CLUAP1: variants seen among roughly 807,000 people sequenced by gnomAD.
CLUAP1 encodes the protein clusterin-associated protein 1.
CLUAP1 carries 50 observed loss-of-function variants against 55.0 expected under a neutral mutation model. That is an observed-to-expected ratio of 0.91 (90% CI 0.72 to 1.15). The LOEUF is 1.15. CLUAP1 is among the 50% of genes most tolerant of loss of function. The pLI is 0.00. For missense variants in CLUAP1, 530 were observed against 507.6 expected, an observed-to-expected ratio of 1.04 and a Z score of -0.42; for synonymous variants, 195 against 175.4, an observed-to-expected ratio of 1.11 and a Z score of -0.88.
intron 5 of CLUAP1, 68 bp downstream of exon 5, chr16:3,512,546 T>A: frequency 8.1e-7 from 1 of 1,239,858 alleles, no homozygotes. Context: ...CAATTCTGTT[T>A]CTCCCTTTTC....
chr16:3,524,929 A>G (rs1224362451), intron 8 of CLUAP1, among the ~76,000 whole-genome samples: 1 of 152,204 alleles, frequency 6.6e-6, no homozygotes, highest in Non-Finnish European at 1.5e-5. Flanking sequence ...CATTTTCATG[A>G]TGAAATTGGT....
chr16:3,501,769 TCAAAAAA>T (rs1333225548), intron 1 of CLUAP1, among the ~76,000 whole-genome samples: 1 of 148,318 alleles, frequency 6.7e-6, no homozygotes, highest in African/African-American at 2.5e-5. Context: ...AAACAACATC[TCAAAAAA>T]CAAAAAACAA....
intron 6 of CLUAP1, among the ~76,000 whole-genome samples, chr16:3,519,269 C>T (rs1400792277): frequency 6.6e-6 from 1 of 152,244 alleles, no homozygotes; most frequent in Non-Finnish European, 1.5e-5. Flanking sequence ...TGCCCTGGAC[C>T]CCTTCCAGAG....
intron 3 of CLUAP1, among the ~76,000 whole-genome samples, chr16:3,506,911 T>C (rs1596384141): frequency 6.6e-6 from 1 of 152,138 alleles, no homozygotes; most frequent in African/African-American, 2.4e-5. Context: ...AAGAATTTTG[T>C]TTATGCCAGG....
chr16:3,499,611 C>T (rs966158295), upstream of CLUAP1, among the ~76,000 whole-genome samples: 2 of 152,192 alleles, frequency 1.3e-5, no homozygotes, highest in African/African-American at 2.4e-5. Flanking sequence ...ATGTTTTCTC[C>T]ATTCTCTAAT....
chr16:3,531,016 C>G (rs1021120425), intron 10 of CLUAP1, among the ~76,000 whole-genome samples: 20 of 152,160 alleles, frequency 1.3e-4, no homozygotes, highest in African/African-American at 3.9e-4. Context: ...ATGAGCATCT[C>G]TGCCTTAAAA....
chr16:3,523,599 G>C (rs1290290529), intron 8 of CLUAP1, among the ~76,000 whole-genome samples: 1 of 152,178 alleles, frequency 6.6e-6, no homozygotes, highest in Non-Finnish European at 1.5e-5. Context: ...GCCTGTGCTT[G>C]CTTTCAGGCC....
Position 3,532,851 on chromosome 16 carries a change from C to T in CLUAP1, c.1092+10C>T. On this transcript the variant is annotated intron_variant, in intron 11 of 11. Coordinates refer to ENST00000576634, the MANE Select transcript of CLUAP1 (RefSeq NM_015041.3). Reference sequence around the variant, plus strand: ...AGACTCCGATGACAATGTAAGTCCCCCGCTCCCCTCAGTGGTTCTGTGCAC... The same window carrying T: ...AGACTCCGATGACAATGTAAGTCCCTCGCTCCCCTCAGTGGTTCTGTGCAC... 1.2e-6 allele frequency: 2 copies of T among 1,613,984 alleles called. No individual in the cohort carries two copies. The highest frequency in any genetic ancestry group is 8.5e-7 in the Non-Finnish European group (1 of 1,179,908).
In CLUAP1 at chr16:3,504,815, C is replaced by A; in HGVS notation, c.118C>A (p.Leu40Ile). ...PNFGLVSEVL[L>I]WLVKRYEPQT... ...TTTTGGACTTGTATCTGAAGTGCTT[C>A]TCTGGCTTGTGAAAAGGTTCGAACG... The change falls in exon 2 of 12, where the codon CTC becomes ATC. Residue 40 changes from leucine to isoleucine, a missense_variant. Leu to Ile is a conservative substitution (Grantham distance 5, BLOSUM62 2). Transcript: ENST00000576634. 1 of 1,606,438 alleles carries A rather than the reference C, an allele frequency of 6.2e-7. No individual in the cohort carries two copies. The highest frequency in any genetic ancestry group is 8.5e-7 in the Non-Finnish European group (1 of 1,173,068).
At chr16:3,496,291 C>G (rs1487481383), upstream of CLUAP1, 2 of 862,034 alleles carry the variant, frequency 2.3e-6, no homozygotes, top group Non-Finnish European at 3.8e-6. Context: ...GTTTGTTGGT[C>G]AAGCTGTACA....
At chr16:3,507,764 G>A (rs373693122) in intron 3 of CLUAP1, among the ~76,000 whole-genome samples, 5 of 151,160 alleles carry the variant, frequency 3.3e-5, no homozygotes, top group South Asian at 4.2e-4. Context: ...AAATGGTACT[G>A]TATTCTACTT....
At chr16:3,499,327 A>C (rs1289323823), upstream of CLUAP1, among the ~76,000 whole-genome samples, 1 of 152,234 alleles carries the variant, frequency 6.6e-6, no homozygotes, top group African/African-American at 2.4e-5. Flanking sequence ...CCTGGGCAAC[A>C]AGAGCAAGAG....
chr16:3,513,100 T>G (rs1319321364), intron 5 of CLUAP1, among the ~76,000 whole-genome samples: 1 of 152,202 alleles, frequency 6.6e-6, no homozygotes, highest in Non-Finnish European at 1.5e-5. Context: ...TGTACTCTGC[T>G]TCAGCATTTT....
At chr16:3,497,234 A>C (rs1332594008), upstream of CLUAP1, among the ~76,000 whole-genome samples, 1 of 152,164 alleles carries the variant, frequency 6.6e-6, no homozygotes, top group African/African-American at 2.4e-5. Context: ...TCCTGAACCT[A>C]GTAGAGCTTT....
chr16:3,513,984 A>C (rs1402059093), intron 5 of CLUAP1, among the ~76,000 whole-genome samples: 4 of 152,204 alleles, frequency 2.6e-5, no homozygotes, highest in Admixed American at 2.6e-4. Context: ...ATGTCTGCTC[A>C]TCATATATTG....
chr16:3,524,984 G>C (rs1325558883), intron 8 of CLUAP1, among the ~76,000 whole-genome samples: 8 of 152,160 alleles, frequency 5.3e-5, no homozygotes, highest in Admixed American at 1.3e-4. Flanking sequence ...TTGGTATTAA[G>C]GTTATGCTAG....
chr16:3,525,432 G>C (rs771376697), intron 8 of CLUAP1, among the ~76,000 whole-genome samples: 1 of 152,150 alleles, frequency 6.6e-6, no homozygotes, highest in Non-Finnish European at 1.5e-5. Flanking sequence ...GCTCTCTGTC[G>C]TTAGAATACC....
At chr16:3,496,420 T>A, upstream of CLUAP1, 4 of 1,018,722 alleles carry the variant, frequency 3.9e-6, no homozygotes, top group Non-Finnish European at 5.9e-6. Flanking sequence ...AGATGAAGCT[T>A]CCTGGCTGGG....
At chr16:3,506,178 T>G (rs1178182556) in intron 2 of CLUAP1, among the ~76,000 whole-genome samples, 153 bp from the exon 3 acceptor site, 1 of 152,240 alleles carries the variant, frequency 6.6e-6, no homozygotes, top group African/African-American at 2.4e-5. Context: ...GTATTTGGTT[T>G]TGCTTTTGAA....
Sources: gnomAD v4.1 joint callset for allele counts (sites outside exome capture counted in the v4.1 genomes callset) on GRCh38, gnomAD v4.1.1 for gene constraint, MANE v1.5 for transcripts, NCBI Gene and HGNC (gene_info 2026-07-23, HGNC 2026-07-21) for gene names.